The following PCBP3 variants were observed in gnomAD, a reference collection of about 807,000 sequenced individuals.
PCBP3 encodes the protein poly(rC)-binding protein 3.
In PCBP3, 25 loss-of-function variants were observed where a neutral mutation model predicts 52.7. The ratio of observed to expected loss-of-function variants is 0.47; its 90% CI spans 0.35 to 0.66. The LOEUF is 0.66. Among genes scored for constraint, PCBP3 ranks in the 30% least tolerant of loss-of-function variants. The pLI is 0.01. For synonymous variants in PCBP3, 162 were observed against 183.0 expected (o/e 0.89, Z 0.93); for missense variants, 391 against 490.3 (o/e 0.80, Z 1.91).
In PCBP3 at chr21:45,704,752, C is replaced by CA. The variant is rs2083342388; in HGVS notation, c.-199-30636dup. On this transcript the variant is annotated intron_variant, in intron 2 of 17. Transcript: ENST00000681687. The surrounding 1 kb of genome is among the most constrained non-coding windows in gnomAD (Gnocchi z 4.1). ...ACAGAAGTTGCTGCTGGCAGAGTTCCAAAACATGAAAATGTAAAATGGAAT... is the reference window on the plus strand; with the variant it reads ...ACAGAAGTTGCTGCTGGCAGAGTTCCAAAAACATGAAAATGTAAAATGGAAT... Among the ~76,000 whole-genome samples, 1 of 152,128 alleles carries CA rather than the reference C, an allele frequency of 6.6e-6. No homozygotes were observed. The highest frequency in any genetic ancestry group is 1.5e-5 in the Non-Finnish European group (1 of 68,032).
intron 5 of PCBP3, among the ~76,000 whole-genome samples, chr21:45,851,612 T>C (rs962883557): frequency 6.7e-6 from 1 of 148,584 alleles, no homozygotes; most frequent in Non-Finnish European, 1.5e-5. Context: ...TAAATATAGA[T>C]GGATGGATAG....
At chr21:45,864,780 G>GT (rs2094646007) in intron 5 of PCBP3, among the ~76,000 whole-genome samples, 1 of 152,154 alleles carries the variant, frequency 6.6e-6, no homozygotes, top group Admixed American at 6.5e-5. Context: ...TTAAATTTGT[G>GT]TTTTAACTCG....
Position 45,827,089 on chromosome 21 carries a change from G to T in PCBP3, c.-125-22872G>T, listed in dbSNP as rs946144512. Among the ~76,000 whole-genome samples, 10 of 152,162 alleles carry T rather than the reference G, an allele frequency of 6.6e-5. No homozygotes were observed. The highest frequency in any genetic ancestry group is 2.4e-4 in the African/African-American group (10 of 41,436). ...TCCCAGCTGAGCCAGGCTCTCAAGA[G>T]CGCTCCCCACTCCCGCGTCCCTGGG... On this transcript the variant is annotated intron_variant, in intron 4 of 17. Coordinates refer to ENST00000681687, the MANE Select transcript of PCBP3 (RefSeq NM_001384156.1). The surrounding 1 kb of genome is among the most constrained non-coding windows in gnomAD (Gnocchi z 4.3).
chr21:45,846,486 T>C (rs1047407596), intron 4 of PCBP3, among the ~76,000 whole-genome samples: 16 of 152,134 alleles, frequency 1.1e-4, no homozygotes, highest in African/African-American at 3.9e-4. Flanking sequence ...TAATCTCTAT[T>C]ATTGGAGTAC....
intron 2 of PCBP3, among the ~76,000 whole-genome samples, chr21:45,709,682 A>G (rs2083700348): frequency 6.6e-6 from 1 of 152,154 alleles, no homozygotes; most frequent in African/African-American, 2.4e-5. Flanking sequence ...AACATCTTAC[A>G]TCAGTAAGGG....
intron 2 of PCBP3, among the ~76,000 whole-genome samples, chr21:45,702,493 A>G (rs2083191104): frequency 6.6e-6 from 1 of 152,214 alleles, no homozygotes; most frequent in African/African-American, 2.4e-5. Flanking sequence ...TTGGTTTCTC[A>G]AGGCAAACAA....
chr21:45,646,105 CTCTGTGTGTGTGTGTGTGTG>C (rs1326278063), intron 1 of PCBP3, among the ~76,000 whole-genome samples: 84 of 92,906 alleles, frequency 9.0e-4, no homozygotes, highest in Non-Finnish European at 1.4e-3. Context: ...CTCTCTCTCT[CTCTGTGTGTGTGTGTGTGTG>C]TGTGTGTGTG....
intron 3 of PCBP3, among the ~76,000 whole-genome samples, chr21:45,742,451 G>C (rs1486044078): frequency 6.6e-6 from 1 of 152,116 alleles, no homozygotes; most frequent in East Asian, 1.9e-4. Context: ...AAGCATTCTT[G>C]CATTATTGAA....
chr21:45,762,022 A>C (rs1259957223), intron 4 of PCBP3: 1 of 152,236 alleles, frequency 6.6e-6, no homozygotes, highest in African/African-American at 2.4e-5. Context: ...TTGTTTCTCC[A>C]TCAATTTCAT....
chr21:45,800,726 CA>C lies in PCBP3; in HGVS notation c.-126+45275del, dbSNP rs2092265626. ...GCCCTCCCACCTGGGCCATGTGCCT[CA>C]CTATGCCTAGGCCACAGCCCGGGAG... On this transcript the variant is annotated intron_variant, in intron 4 of 17. Coordinates refer to ENST00000681687, the MANE Select transcript of PCBP3 (RefSeq NM_001384156.1). This position sits in a 1 kb window ranked among gnomAD's most constrained non-coding sequence, Gnocchi z 5.3. Among the ~76,000 whole-genome samples the C allele has an allele frequency of 6.6e-6, 1 of 152,250 alleles. No homozygotes were observed. Among genetic ancestry groups the C allele is most frequent in the South Asian group, 2.1e-4 (1 of 4,836 alleles).
intron 2 of PCBP3, among the ~76,000 whole-genome samples, chr21:45,714,173 C>T (rs1014456422): frequency 1.1e-4 from 17 of 152,314 alleles, no homozygotes; most frequent in East Asian, 3.9e-4. Context: ...TCTCTTCTCT[C>T]GACTTTAAAT....
chr21:45,896,657 A>T (rs2095836930), intron 6 of PCBP3, among the ~76,000 whole-genome samples: 2 of 134,174 alleles, frequency 1.5e-5, no homozygotes, highest in Non-Finnish European at 3.3e-5. Flanking sequence ...AGAACCGGAG[A>T]TGCACTGCCC....
chr21:45,683,776 A>G (rs971090010), intron 2 of PCBP3, among the ~76,000 whole-genome samples: 6 of 152,016 alleles, frequency 3.9e-5, no homozygotes, highest in Non-Finnish European at 8.8e-5. Flanking sequence ...AATACAAAAA[A>G]TGATCCCGGC....
chr21:45,719,400 G>T (rs1237498122), intron 2 of PCBP3, among the ~76,000 whole-genome samples: 4 of 152,172 alleles, frequency 2.6e-5, no homozygotes, highest in Admixed American at 2.6e-4. Context: ...GGAAATGTGT[G>T]CAGAGGGTTT....
rs2080495843 is a variant in PCBP3 at position 45,662,812 on chromosome 21, G to T, written c.-278-6062G>T. On this transcript the variant is annotated intron_variant, in intron 1 of 17. Coordinates refer to ENST00000681687, the MANE Select transcript of PCBP3 (RefSeq NM_001384156.1). ...CATTAGAGGGCTCCTTGGTCTAGCG[G>T]TAATGCCAGTGTCTGTTGCCAAGTG... 2.0e-5 allele frequency among the ~76,000 whole-genome samples: 3 copies of T among 152,224 alleles called. No homozygotes were observed. In the South Asian group the frequency reaches 6.2e-4, roughly 32 times the overall value.
At chr21:45,742,227 G>A (rs1221209382) in intron 3 of PCBP3, among the ~76,000 whole-genome samples, 2 of 152,206 alleles carry the variant, frequency 1.3e-5, no homozygotes, top group African/African-American at 4.8e-5. Context: ...TCCTGGGTCA[G>A]AGGACATGGA....
intron 15 of PCBP3, among the ~76,000 whole-genome samples, chr21:45,932,183 G>T (rs1185151994): frequency 6.6e-6 from 1 of 151,382 alleles, no homozygotes; most frequent in Non-Finnish European, 1.5e-5. Flanking sequence ...CAGCCATGCC[G>T]TCCCGAGATG....
chr21:45,680,520 T>C (rs1284852527), intron 2 of PCBP3, among the ~76,000 whole-genome samples: 1 of 152,236 alleles, frequency 6.6e-6, no homozygotes, highest in Non-Finnish European at 1.5e-5. Flanking sequence ...ATTGATAATA[T>C]ACAAAAATAA....
At chr21:45,861,369 C>G (rs937084714) in intron 5 of PCBP3, among the ~76,000 whole-genome samples, 4 of 152,164 alleles carry the variant, frequency 2.6e-5, no homozygotes, top group African/African-American at 9.7e-5. Context: ...CAGGCCCACC[C>G]ACACCAGCCT....
Sources: gnomAD v4.1 joint callset for allele counts (sites outside exome capture counted in the v4.1 genomes callset) on GRCh38, gnomAD v4.1.1 for gene constraint, Gnocchi (gnomAD v3.1) non-coding constraint, MANE v1.5 for transcripts, NCBI Gene and HGNC (gene_info 2026-07-23, HGNC 2026-07-21) for gene names.